The following CELF4 variants were observed in gnomAD, a reference collection of about 807,000 sequenced individuals.
CELF4 encodes CUG-BP- and ETR-3-like factor 4.
A neutral mutation model predicts 59.9 loss-of-function variants in CELF4; 18 were observed. That is an observed-to-expected ratio of 0.30 (90% CI 0.21 to 0.45). CELF4 has a LOEUF of 0.45. Among genes scored for constraint, CELF4 ranks in the 20% least tolerant of loss-of-function variants. CELF4 has a pLI of 1.00. For missense variants in CELF4, 456 were observed against 689.0 expected (o/e 0.66, Z 3.79); for synonymous variants, 261 against 267.1 (o/e 0.98, Z 0.22).
In CELF4 at chr18:37,300,434, AG is replaced by A. The variant is rs932201354; in HGVS notation, c.448+21368del. Among the ~76,000 whole-genome samples, 398 of 152,306 alleles carry A rather than the reference AG, an allele frequency of 2.6e-3. 3 individuals carry two copies. Among genetic ancestry groups the A allele is most frequent in the African/African-American group, 9.0e-3 (374 of 41,576 alleles). ...GACACAGGGTTTCACCACATTGGCC[AG>A]GCTGGTCTCGAACTTCTGACCTCAG... On this transcript the variant is annotated intron_variant, in intron 3 of 12. Coordinates refer to ENST00000420428, the MANE Select transcript of CELF4 (RefSeq NM_020180.4).
At chr18:37,365,364 G>A (rs2098762558) in intron 2 of CELF4, among the ~76,000 whole-genome samples, 2 of 152,112 alleles carry the variant, frequency 1.3e-5, no homozygotes, top group African/African-American at 4.8e-5. Flanking sequence ...CTCATTCGAA[G>A]GGAGAAGCAT....
chr18:37,320,624 G>A (rs1206248110), intron 3 of CELF4, among the ~76,000 whole-genome samples: 1 of 152,192 alleles, frequency 6.6e-6, no homozygotes, highest in Non-Finnish European at 1.5e-5. Flanking sequence ...TCTACTCGGG[G>A]GTCCTTCACC....
intron 1 of CELF4, among the ~76,000 whole-genome samples, chr18:37,532,012 T>C (rs2099969992): frequency 6.6e-6 from 1 of 152,220 alleles, no homozygotes; most frequent in Non-Finnish European, 1.5e-5. Context: ...ATGGCGCACA[T>C]TACTTGGCCT....
chr18:37,510,286 C>A (rs114851195), intron 1 of CELF4, among the ~76,000 whole-genome samples: 2,423 of 152,326 alleles, frequency 0.016, 68 homozygotes, highest in African/African-American at 0.054. Context: ...TTCCTCAGTG[C>A]ATGCCAGGCT....
chr18:37,565,245 G>T (rs914443397), intron 1 of CELF4, 111 bp downstream of exon 1: 3 of 1,279,642 alleles, frequency 2.3e-6, no homozygotes, highest in Non-Finnish European at 3.2e-6. Flanking sequence ...CACCGCGCCC[G>T]CCCGAGGCTT....
intron 8 of CELF4, 55 bp from the exon 9 acceptor site, chr18:37,266,653 CCT>C: frequency 2.8e-6 from 4 of 1,405,544 alleles, no homozygotes; most frequent in African/African-American, 1.4e-5. Flanking sequence ...TGGCCCTTCC[CCT>C]CATGCCCATG....
At chr18:37,387,988 T>A (rs2099117289) in intron 2 of CELF4, among the ~76,000 whole-genome samples, 1 of 152,146 alleles carries the variant, frequency 6.6e-6, no homozygotes, top group Non-Finnish European at 1.5e-5. Context: ...GATGAGGTTC[T>A]GTGGCCCTCT....
intron 1 of CELF4, among the ~76,000 whole-genome samples, chr18:37,562,470 A>G (rs1012507617): frequency 6.6e-6 from 1 of 152,000 alleles, no homozygotes; most frequent in Non-Finnish European, 1.5e-5. Flanking sequence ...ATTCATTAGA[A>G]GTTAGAAATT....
chr18:37,378,931 C>CTT (rs1193926438), intron 2 of CELF4, among the ~76,000 whole-genome samples: 1 of 152,210 alleles, frequency 6.6e-6, no homozygotes, highest in Non-Finnish European at 1.5e-5. Context: ...ATCAACCAGC[C>CTT]TTTTGTTCTC....
chr18:37,356,023 C>T (rs560801523), intron 2 of CELF4, among the ~76,000 whole-genome samples: 1 of 152,248 alleles, frequency 6.6e-6, no homozygotes, highest in East Asian at 1.9e-4. Flanking sequence ...CCCAGCCCAG[C>T]CCAGCCCTGG....
At chr18:37,422,828 G>T (rs1389355885) in intron 2 of CELF4, among the ~76,000 whole-genome samples, 2 of 152,198 alleles carry the variant, frequency 1.3e-5, no homozygotes, top group Non-Finnish European at 2.9e-5. Context: ...TCAATGAAAA[G>T]GCTCTGAAGT....
At chr18:37,462,532 T>C (rs1221875425) in intron 2 of CELF4, among the ~76,000 whole-genome samples, 2 of 152,170 alleles carry the variant, frequency 1.3e-5, no homozygotes, top group African/African-American at 2.4e-5. Context: ...CCACCAGAGA[T>C]TGGAGTCAAC....
chr18:37,436,287 C>T (rs1344533434), intron 2 of CELF4, among the ~76,000 whole-genome samples: 1 of 152,158 alleles, frequency 6.6e-6, no homozygotes, highest in Non-Finnish European at 1.5e-5. Context: ...TTCGAGATGC[C>T]CTCAAATGCT....
At chr18:37,565,262 G>T (rs1325357664) in intron 1 of CELF4, 94 bp downstream of exon 1, 1 of 1,401,130 alleles carries the variant, frequency 7.1e-7, no homozygotes, top group East Asian at 2.4e-5. Context: ...GCTTCCTCTC[G>T]CTTAGTCCGC....
chr18:37,428,822 G>A (rs1010833937), intron 2 of CELF4, among the ~76,000 whole-genome samples: 17 of 152,110 alleles, frequency 1.1e-4, no homozygotes, highest in Admixed American at 8.5e-4. Flanking sequence ...CCCACACCCC[G>A]CACTCCCTAG....
intron 2 of CELF4, among the ~76,000 whole-genome samples, chr18:37,323,590 C>G (rs1034319968): frequency 1.3e-5 from 2 of 152,076 alleles, no homozygotes; most frequent in Non-Finnish European, 2.9e-5. Context: ...GACTCAGCAT[C>G]TCACCCTTTC....
intron 2 of CELF4, among the ~76,000 whole-genome samples, chr18:37,333,783 T>C (rs1164592671): frequency 9.5e-6 from 1 of 105,114 alleles, no homozygotes; most frequent in African/African-American, 3.2e-5. Context: ...CCTCCATCCA[T>C]GCATCCATCC....
intron 2 of CELF4, among the ~76,000 whole-genome samples, chr18:37,397,958 C>T (rs1460476145): frequency 6.6e-6 from 1 of 152,178 alleles, no homozygotes; most frequent in Non-Finnish European, 1.5e-5. Flanking sequence ...GCAGGGGCTC[C>T]TCTCACCCTC....
intron 1 of CELF4, among the ~76,000 whole-genome samples, chr18:37,514,204 G>A (rs773516838): frequency 6.6e-6 from 1 of 152,070 alleles, no homozygotes; most frequent in Non-Finnish European, 1.5e-5. Flanking sequence ...TGGCCCTGGT[G>A]TTCAAGGTAA....
Sources: gnomAD v4.1 joint callset for allele counts (sites outside exome capture counted in the v4.1 genomes callset) on GRCh38, gnomAD v4.1.1 for gene constraint, MANE v1.5 for transcripts, NCBI Gene and HGNC (gene_info 2026-07-23, HGNC 2026-07-21) for gene names.